The following BMPER variants were observed in gnomAD, a reference collection of about 807,000 sequenced individuals.
BMPER encodes BMP binding endothelial regulator, also known as BMP-binding endothelial regulator protein.
In BMPER, 45 loss-of-function variants were observed where a neutral mutation model predicts 87.3. That is an observed-to-expected ratio of 0.52 (90% CI 0.41 to 0.66). The LOEUF is 0.66. BMPER is among the 30% of genes least tolerant of loss of function. The pLI, the probability that BMPER is intolerant of heterozygous loss-of-function variation, is 0.00. For synonymous variants in BMPER, 326 were observed against 316.2 expected (o/e 1.03, Z -0.33); for missense variants, 784 against 867.5 (o/e 0.90, Z 1.21).
At chr7:34,006,463 A>C (rs1434113757) in intron 6 of BMPER, among the ~76,000 whole-genome samples, 1 of 152,110 alleles carries the variant, frequency 6.6e-6, no homozygotes, top group African/African-American at 2.4e-5. Context: ...AAAGAGAGGA[A>C]GAATAATGAT....
intron 13 of BMPER, among the ~76,000 whole-genome samples, chr7:34,138,925 A>G (rs1042831140): frequency 1.1e-4 from 16 of 152,206 alleles, no homozygotes; most frequent in African/African-American, 3.9e-4. Context: ...AAATTCTGCT[A>G]CTTATTCTGT....
chr7:33,906,539 A>G (rs141384264), intron 1 of BMPER, among the ~76,000 whole-genome samples: 23 of 152,296 alleles, frequency 1.5e-4, no homozygotes, highest in African/African-American at 5.1e-4. Context: ...TGTTATTAAA[A>G]ATCCAGTGAA....
intron 13 of BMPER, among the ~76,000 whole-genome samples, chr7:34,087,531 G>C (rs996154591): frequency 6.6e-6 from 1 of 151,788 alleles, no homozygotes. Context: ...GTGAAGTGGG[G>C]ATAATAAAAG....
Position 34,086,107 on chromosome 7 carries a change from C to G in BMPER, c.1745+15C>G. 1 of 1,612,474 alleles carries G rather than the reference C, an allele frequency of 6.2e-7. No homozygotes were observed. Among genetic ancestry groups the G allele is most frequent in the Admixed American group, 1.7e-5 (1 of 59,982 alleles). ...ACTTTCTACCGGTAAGTACAGTGTT[C>G]TGGGGAATGGTTTTGGGTTGCAGAC... On this transcript the variant is annotated intron_variant, in intron 13 of 14. Coordinates refer to ENST00000649409, the MANE Select transcript of BMPER (RefSeq NM_001365308.1).
At chr7:33,914,427 A>G (rs1784041881) in intron 2 of BMPER, among the ~76,000 whole-genome samples, 1 of 152,172 alleles carries the variant, frequency 6.6e-6, no homozygotes, top group Non-Finnish European at 1.5e-5. Flanking sequence ...GAGATGGGAA[A>G]AACTGAAGGG....
chr7:34,033,022 C>A (rs917963753), intron 6 of BMPER, among the ~76,000 whole-genome samples: 2 of 152,136 alleles, frequency 1.3e-5, no homozygotes, highest in Non-Finnish European at 2.9e-5. Flanking sequence ...TTTCCTAAAA[C>A]AAAAACACTA....
At chr7:34,088,057 C>T (rs1236205144) in intron 13 of BMPER, among the ~76,000 whole-genome samples, 1 of 152,216 alleles carries the variant, frequency 6.6e-6, no homozygotes, top group African/African-American at 2.4e-5. Flanking sequence ...AATGATTCTA[C>T]AGCATCTACA....
chr7:34,106,933 T>C (rs755030308), intron 13 of BMPER, among the ~76,000 whole-genome samples: 1 of 152,244 alleles, frequency 6.6e-6, no homozygotes, highest in African/African-American at 2.4e-5. Context: ...AATTTCATGA[T>C]GTTTGTGCGG....
chr7:33,911,967 G>A (rs926009922), intron 2 of BMPER, among the ~76,000 whole-genome samples: 13 of 152,156 alleles, frequency 8.5e-5, no homozygotes, highest in East Asian at 1.9e-4. Context: ...CCATTGTTAC[G>A]CATGAACAAG....
intron 13 of BMPER, among the ~76,000 whole-genome samples, chr7:34,127,240 C>G (rs1790429062): frequency 6.6e-6 from 1 of 152,168 alleles, no homozygotes; most frequent in South Asian, 2.1e-4. Context: ...GTCATGGTCT[C>G]TGTTTTGCAG....
intron 6 of BMPER, among the ~76,000 whole-genome samples, chr7:34,017,187 G>A (rs1202032525): frequency 6.6e-6 from 1 of 152,056 alleles, no homozygotes; most frequent in East Asian, 2.0e-4. Context: ...TTCGGTAGGT[G>A]TGTGGTGGCT....
At chr7:34,116,602 C>T (rs540377485) in intron 13 of BMPER, among the ~76,000 whole-genome samples, 4 of 152,260 alleles carry the variant, frequency 2.6e-5, no homozygotes, top group Non-Finnish European at 5.9e-5. Flanking sequence ...TTTACCTTTC[C>T]AAAAGCTATT....
intron 13 of BMPER, among the ~76,000 whole-genome samples, chr7:34,106,103 C>T (rs1266240183): frequency 6.6e-6 from 1 of 152,114 alleles, no homozygotes; most frequent in African/African-American, 2.4e-5. Flanking sequence ...TGTAGCTCTA[C>T]TGGGGGCACA....
intron 12 of BMPER, among the ~76,000 whole-genome samples, chr7:34,082,116 G>A (rs1012917620): frequency 1.3e-5 from 2 of 152,196 alleles, no homozygotes; most frequent in East Asian, 1.9e-4. Context: ...GCTGCTGCTC[G>A]CATCCCCAGA....
chr7:33,912,359 T>C (rs1783986398), intron 2 of BMPER, among the ~76,000 whole-genome samples: 2 of 152,194 alleles, frequency 1.3e-5, no homozygotes, highest in South Asian at 4.1e-4. Context: ...TTTCCAGAAC[T>C]GAGTATGTTT....
At chr7:33,966,811 G>T (rs1785418060) in intron 4 of BMPER, among the ~76,000 whole-genome samples, 1 of 152,158 alleles carries the variant, frequency 6.6e-6, no homozygotes, top group African/African-American at 2.4e-5. Context: ...ATTGTGCCTG[G>T]GAAAACTCCA....
At position 34,146,794 on chromosome 7, in the gene BMPER, G is replaced by C. The variant is rs547356969; in HGVS notation, c.1876+3434G>C. Among the ~76,000 whole-genome samples, 3 of 152,122 alleles carry C rather than the reference G, an allele frequency of 2.0e-5. No individual in the cohort carries two copies. In the South Asian group the frequency reaches 6.2e-4, roughly 32 times the overall value. ...GAGAACACAGAGACCCAAGAGCACT[G>C]TGGAAAAAAAAGAATGCATATTTAT... On this transcript the variant is annotated intron_variant, in intron 14 of 14. Coordinates refer to ENST00000649409, the MANE Select transcript of BMPER (RefSeq NM_001365308.1).
At chr7:34,138,571 C>G (rs1583473558) in intron 13 of BMPER, among the ~76,000 whole-genome samples, 2 of 152,128 alleles carry the variant, frequency 1.3e-5, no homozygotes, top group Non-Finnish European at 2.9e-5. Flanking sequence ...GGCTGCCAGG[C>G]AAGATGCCAG....
At chr7:34,102,124 C>A (rs983255600) in intron 13 of BMPER, among the ~76,000 whole-genome samples, 2 of 131,872 alleles carry the variant, frequency 1.5e-5, no homozygotes, top group East Asian at 4.9e-4. Context: ...TCCATGAGGT[C>A]CCCCAGGTTT....
Sources: allele counts gnomAD v4.1 joint callset (sites outside exome capture counted in the v4.1 genomes callset), GRCh38; gene constraint gnomAD v4.1.1; transcripts MANE v1.5; gene names NCBI Gene and HGNC (gene_info 2026-07-23, HGNC 2026-07-21).